Variants in SPATA17 observed in about 807,000 individuals in gnomAD.
SPATA17 encodes spermatogenesis associated 17.
Under a neutral mutation model 62.2 loss-of-function variants are expected in SPATA17, and 53 were observed. That is an observed-to-expected ratio of 0.85 (90% confidence interval 0.68 to 1.07). The LOEUF (loss-of-function observed/expected upper bound fraction) is 1.07. Ranked by LOEUF, SPATA17 falls within the 50% of genes least tolerant of loss-of-function variation. The pLI is 0.00. For synonymous variants in SPATA17, 146 were observed against 146.8 expected (o/e 0.99, Z 0.04); for missense variants, 466 against 425.5 (o/e 1.10, Z -0.84).
intron 9 of SPATA17, among the ~76,000 whole-genome samples, chr1:217,852,677 C>T (rs1202224846): frequency 6.6e-6 from 1 of 151,870 alleles, no homozygotes; most frequent in Non-Finnish European, 1.5e-5. Flanking sequence ...GGAAAACTTT[C>T]CCCCCCAAAA....
intron 7 of SPATA17, among the ~76,000 whole-genome samples, chr1:217,778,617 T>G (rs993048637): frequency 6.6e-6 from 1 of 152,294 alleles, no homozygotes. Flanking sequence ...TGCATACAAC[T>G]TTTTAGGAAA....
chr1:217,847,723 A>G (rs996001843), intron 9 of SPATA17, among the ~76,000 whole-genome samples: 2 of 152,172 alleles, frequency 1.3e-5, no homozygotes, highest in Non-Finnish European at 2.9e-5. Flanking sequence ...TTTAAGGTAA[A>G]TGTAACTACA....
At chr1:217,834,754 T>G (rs531771546) in intron 9 of SPATA17, among the ~76,000 whole-genome samples, 14 of 152,238 alleles carry the variant, frequency 9.2e-5, no homozygotes, top group African/African-American at 3.4e-4. Context: ...ATAAATATTT[T>G]TATAAATTTA....
At chr1:217,793,283 C>G (rs963958726) in intron 8 of SPATA17, among the ~76,000 whole-genome samples, 5 of 142,022 alleles carry the variant, frequency 3.5e-5, no homozygotes, top group African/African-American at 1.1e-4. Context: ...TGCAGTGGCA[C>G]GATCTCGGCT....
At chr1:217,641,849 C>T (rs1670070352) in intron 1 of SPATA17, among the ~76,000 whole-genome samples, 1 of 152,302 alleles carries the variant, frequency 6.6e-6, no homozygotes, top group South Asian at 2.1e-4. Flanking sequence ...AATCTTCAGA[C>T]TCCATTCAAG....
chr1:217,721,062 G>A (rs766214927), intron 5 of SPATA17, among the ~76,000 whole-genome samples: 2 of 152,032 alleles, frequency 1.3e-5, no homozygotes, highest in African/African-American at 2.4e-5. Context: ...TATAGATAAG[G>A]CATCACACTC....
At chr1:217,647,890 T>G (rs1670225051) in intron 1 of SPATA17, among the ~76,000 whole-genome samples, 1 of 151,920 alleles carries the variant, frequency 6.6e-6, no homozygotes, top group South Asian at 2.1e-4. Context: ...GCTTGGCTAA[T>G]TTTTGTATTT....
At chr1:217,679,796 C>A (rs1199199961) in intron 4 of SPATA17, among the ~76,000 whole-genome samples, 2 of 152,074 alleles carry the variant, frequency 1.3e-5, no homozygotes, top group Non-Finnish European at 2.9e-5. Context: ...AAGGAAAGAG[C>A]CCACATTGTT....
chr1:217,712,434 G>A (rs917876160), intron 5 of SPATA17, among the ~76,000 whole-genome samples: 1 of 152,004 alleles, frequency 6.6e-6, no homozygotes, highest in Non-Finnish European at 1.5e-5. Flanking sequence ...CCTACAATAT[G>A]TTCTTATATT....
At chr1:217,815,368 C>T (rs1558062287) in intron 9 of SPATA17, among the ~76,000 whole-genome samples, 1 of 152,068 alleles carries the variant, frequency 6.6e-6, no homozygotes, top group East Asian at 1.9e-4. Flanking sequence ...GAGGTTTGGC[C>T]TGGAGAATTC....
intron 9 of SPATA17, among the ~76,000 whole-genome samples, chr1:217,842,378 A>G (rs1675429287): frequency 6.6e-6 from 1 of 151,958 alleles, no homozygotes; most frequent in Non-Finnish European, 1.5e-5. Context: ...TTTGTGTGAC[A>G]TTGTTCTTTC....
chr1:217,697,951 A>G (rs1243655355), intron 5 of SPATA17, among the ~76,000 whole-genome samples: 1 of 151,982 alleles, frequency 6.6e-6, no homozygotes, highest in Non-Finnish European at 1.5e-5. Flanking sequence ...TTTTATATGC[A>G]TTTTCTTAGT....
At chr1:217,766,765 G>T (rs1673312583) in intron 6 of SPATA17, among the ~76,000 whole-genome samples, 2 of 142,256 alleles carry the variant, frequency 1.4e-5, no homozygotes. Context: ...CTTACTTTAG[G>T]TTCACGGGGC....
rs1676113463 is a variant in SPATA17 at position 217,870,746 on chromosome 1, A to G, written c.*3727A>G. 1 of 152,146 alleles carries G rather than the reference A, an allele frequency of 6.6e-6. No individual in the cohort carries two copies. Among genetic ancestry groups the G allele is most frequent in the African/African-American group, 2.4e-5 (1 of 41,442 alleles). 9.4% of individuals were successfully genotyped at this position (152,146 alleles called of 1,614,324 possible). ...AAGAGCCTTCAGAATTAGACGCTTC[A>G]ATTCTTCTGAAATCAAAAGTCACAC... is the stretch of plus-strand genomic sequence containing the variant. On this transcript the variant is annotated 3_prime_UTR_variant, in exon 11 of 11. Coordinates refer to ENST00000366933, the MANE Select transcript of SPATA17 (RefSeq NM_138796.4).
At chr1:217,770,373 T>A (rs955628337) in intron 6 of SPATA17, among the ~76,000 whole-genome samples, 7 of 152,206 alleles carry the variant, frequency 4.6e-5, no homozygotes, top group African/African-American at 1.4e-4. Context: ...CCTGAATACT[T>A]AATCATTCTT....
Position 217,867,147 on chromosome 1 carries a change from T to C in SPATA17, c.*128T>C, listed in dbSNP as rs1324455568. Reference sequence around the variant, plus strand: ...TCAATAAACTATAAAATTTTGTAGCTCTAGTCATGAATTAATTATTGTGTG... The same window carrying C: ...TCAATAAACTATAAAATTTTGTAGCCCTAGTCATGAATTAATTATTGTGTG... On this transcript the variant is annotated 3_prime_UTR_variant, in exon 11 of 11. Coordinates refer to ENST00000366933, the MANE Select transcript of SPATA17 (RefSeq NM_138796.4). 1.3e-5 allele frequency: 2 copies of C among 152,172 alleles called. No homozygotes were observed. Among genetic ancestry groups the C allele is most frequent in the Non-Finnish European group, 2.9e-5 (2 of 68,034 alleles). 9.4% of individuals were successfully genotyped at this position (152,172 alleles called of 1,614,324 possible).
At chr1:217,855,690 T>C (rs547853088) in intron 9 of SPATA17, among the ~76,000 whole-genome samples, 9 of 151,424 alleles carry the variant, frequency 5.9e-5, no homozygotes, top group African/African-American at 1.9e-4. Flanking sequence ...GGGAAAGGAC[T>C]AAATATGAGA....
chr1:217,786,750 T>TTTCTTCCTCTTCTTCTTCTTCTTC lies in SPATA17; in HGVS notation c.872+4434_872+4435insCTCTTCTTCTTCTTCTTCTTCTTC, dbSNP rs1673874241. Among the ~76,000 whole-genome samples, 9 of 107,550 alleles carry TTTCTTCCTCTTCTTCTTCTTCTTC rather than the reference T, an allele frequency of 8.4e-5. No individual in the cohort carries two copies. The South Asian group carries it at 2.9e-3, about 35-fold the overall frequency. The allele number at this position is 107,550 out of a possible 152,430, so 70.6% of individuals were successfully genotyped here. A position where few individuals can be genotyped will look rare whatever the true frequency, so the allele number is the denominator to read the frequency against. On this transcript the variant is annotated intron_variant, in intron 8 of 10. Coordinates refer to ENST00000366933, the MANE Select transcript of SPATA17 (RefSeq NM_138796.4). ...AATGATAGAAGGATTTGATATTCTCTTTCTTCTTCTTCTTCTTCTTCTTCT... is the reference window on the plus strand; with the variant it reads ...AATGATAGAAGGATTTGATATTCTCTTTCTTCCTCTTCTTCTTCTTCTTCTTCTTCTTCTTCTTCTTCTTCTTCT...
rs544134320 is a variant in SPATA17, at chr1:217,706,923, A to G, written c.395+23562A>G. Among the ~76,000 whole-genome samples the G allele has an allele frequency of 6.0e-5, 9 of 150,624 alleles. No homozygotes were observed. In the East Asian group the frequency reaches 1.2e-3, roughly 20 times the overall value. ...GCTCTTTCACCCAGGCTGGAGTGCA[A>G]TGGCACAATCTTGGCTCACTGCAAA... On this transcript the variant is annotated intron_variant, in intron 5 of 10. Transcript: ENST00000366933.
Sources: allele counts gnomAD v4.1 joint callset (sites outside exome capture counted in the v4.1 genomes callset), GRCh38; gene constraint gnomAD v4.1.1; transcripts MANE v1.5; gene names NCBI Gene and HGNC (gene_info 2026-07-23, HGNC 2026-07-21).